Variants in CRACD observed in about 807,000 individuals in gnomAD.
CRACD encodes the protein capping protein-inhibiting regulator of actin dynamics.
A neutral mutation model predicts 106.8 loss-of-function variants in CRACD; 56 were observed. The observed-to-expected ratio is 0.52, with a 90% confidence interval of 0.42 to 0.66. The LOEUF (loss-of-function observed/expected upper bound fraction) is 0.66, where lower values mean the gene tolerates loss of function less well. Ranked by LOEUF, CRACD falls within the 30% of genes least tolerant of loss-of-function variation. CRACD has a pLI of 0.00. For missense variants in CRACD, 1,730 were observed against 1,623.2 expected (o/e 1.07, Z -1.13); for synonymous variants, 754 against 670.8 (o/e 1.12, Z -1.92).
intron 10 of CRACD, among the ~76,000 whole-genome samples, chr4:56,326,049 G>C (rs1746423533): frequency 1.3e-5 from 2 of 152,086 alleles, no homozygotes; most frequent in South Asian, 4.1e-4. Context: ...GTAGCTGGGA[G>C]TACAGGCACA....
At chr4:56,256,261 A>C (rs1003973448) in intron 2 of CRACD, among the ~76,000 whole-genome samples, 2 of 152,170 alleles carry the variant, frequency 1.3e-5, no homozygotes, top group African/African-American at 4.8e-5. Flanking sequence ...TCAAGAGGTC[A>C]GATGGTTTTA....
chr4:56,069,292 A>G (rs1466585897), intron 1 of CRACD, among the ~76,000 whole-genome samples: 4 of 152,238 alleles, frequency 2.6e-5, no homozygotes, highest in African/African-American at 9.6e-5. Context: ...TGGCGTGTCC[A>G]TGTTGAAATG....
intron 1 of CRACD, among the ~76,000 whole-genome samples, chr4:56,075,530 A>G (rs372260255): frequency 5.9e-5 from 9 of 151,934 alleles, no homozygotes; most frequent in South Asian, 2.1e-4. Context: ...GATCAGTGGT[A>G]ATATCCCCTT....
chr4:56,084,941 C>T (rs1475679750), intron 1 of CRACD, among the ~76,000 whole-genome samples: 8 of 152,128 alleles, frequency 5.3e-5, no homozygotes, highest in Non-Finnish European at 1.2e-4. Flanking sequence ...AAAATAGAGG[C>T]ATTTTGACTT....
At chr4:56,212,094 T>C (rs1460018859) in intron 2 of CRACD, among the ~76,000 whole-genome samples, 1 of 152,172 alleles carries the variant, frequency 6.6e-6, no homozygotes, top group Non-Finnish European at 1.5e-5. Context: ...TGAAATGGGA[T>C]GCAGTAAAGA....
intron 1 of CRACD, among the ~76,000 whole-genome samples, chr4:56,084,646 G>A (rs1175975817): frequency 6.6e-6 from 1 of 152,140 alleles, no homozygotes; most frequent in African/African-American, 2.4e-5. Flanking sequence ...AGATGATGGG[G>A]AATGTGTTAT....
chr4:56,284,830 G>T (rs808997), intron 3 of CRACD, among the ~76,000 whole-genome samples: 3,337 of 152,346 alleles, frequency 0.022, 123 homozygotes, highest in African/African-American at 0.075. Context: ...GTAACCGTAA[G>T]GTCAAACAGC....
At chr4:56,093,711 A>G (rs1733502774) in intron 1 of CRACD, among the ~76,000 whole-genome samples, 1 of 152,252 alleles carries the variant, frequency 6.6e-6, no homozygotes, top group Non-Finnish European at 1.5e-5. Flanking sequence ...CTTGTTCTAC[A>G]AAAGTGACAA....
intron 1 of CRACD, among the ~76,000 whole-genome samples, chr4:56,057,321 T>C (rs1171501188): frequency 1.3e-5 from 2 of 152,220 alleles, no homozygotes; most frequent in African/African-American, 4.8e-5. Context: ...ATTTAGTGCA[T>C]GGCAATTGTA....
chr4:56,298,003 G>A, intron 3 of CRACD: 1 of 462,486 alleles, frequency 2.2e-6, no homozygotes, highest in Admixed American at 3.4e-5. Flanking sequence ...CACGGTGAAT[G>A]GCTCTGAACC....
chr4:56,322,197 G>T (rs1358817457), intron 8 of CRACD, among the ~76,000 whole-genome samples: 4 of 152,318 alleles, frequency 2.6e-5, no homozygotes, highest in African/African-American at 7.2e-5. Context: ...CTTTTGTAGA[G>T]TGACCAGGAT....
rs1167413474 is a variant in CRACD, at chr4:56,057,814, G to GTTT, written c.-336+8535_-336+8537dup. ...CATTTTTTGTATTTTTTTTTTTTTTGTTTTTTTTTTTTTTTTTTTTTTGAG... is the reference window on the plus strand; with the variant it reads ...CATTTTTTGTATTTTTTTTTTTTTTGTTTTTTTTTTTTTTTTTTTTTTTTTGAG... On this transcript the variant is annotated intron_variant, in intron 1 of 10. Coordinates refer to ENST00000682029, the MANE Select transcript of CRACD (RefSeq NM_001393381.1). Among the ~76,000 whole-genome samples the GTTT allele has an allele frequency of 1.5e-3, 100 of 67,308 alleles. 1 individual carries two copies. The highest frequency in any genetic ancestry group is 3.3e-3 in the South Asian group (6 of 1,804). 44.2% of individuals were successfully genotyped at this position (67,308 alleles called of 152,430 possible). A position where few individuals can be genotyped will look rare whatever the true frequency, so the allele number is the denominator to read the frequency against.
chr4:56,233,200 A>T (rs1386822494), intron 2 of CRACD, among the ~76,000 whole-genome samples: 2 of 152,204 alleles, frequency 1.3e-5, no homozygotes, highest in Non-Finnish European at 2.9e-5. Context: ...TATAGAATTT[A>T]TCAATATCTT....
At chr4:56,254,238 G>A (rs1741212354) in intron 2 of CRACD, among the ~76,000 whole-genome samples, 1 of 152,184 alleles carries the variant, frequency 6.6e-6, no homozygotes, top group Non-Finnish European at 1.5e-5. Context: ...TCTCCAATGA[G>A]AGCAGAATAA....
intron 1 of CRACD, among the ~76,000 whole-genome samples, chr4:56,117,607 G>A (rs970070904): frequency 6.6e-6 from 1 of 152,086 alleles, no homozygotes; most frequent in African/African-American, 2.4e-5. Context: ...ATGGATGATG[G>A]TGATGGTCAC....
At chr4:56,093,259 A>G (rs952960518) in intron 1 of CRACD, among the ~76,000 whole-genome samples, 6 of 152,160 alleles carry the variant, frequency 3.9e-5, no homozygotes, top group Non-Finnish European at 7.4e-5. Flanking sequence ...CCTGTAATTC[A>G]CAAATGTTAG....
At chr4:56,104,172 G>A (rs1733869388) in intron 1 of CRACD, among the ~76,000 whole-genome samples, 1 of 152,214 alleles carries the variant, frequency 6.6e-6, no homozygotes, top group South Asian at 2.1e-4. Flanking sequence ...CGAGGTGGGA[G>A]CATCGCTTGG....
At chr4:56,280,029 A>C (rs1289616321) in intron 3 of CRACD, among the ~76,000 whole-genome samples, 2 of 151,604 alleles carry the variant, frequency 1.3e-5, no homozygotes, top group Non-Finnish European at 2.9e-5. Context: ...CATTCTCAGC[A>C]AACTATCGCA....
At chr4:56,226,215 A>G (rs1010146152) in intron 2 of CRACD, among the ~76,000 whole-genome samples, 10 of 152,202 alleles carry the variant, frequency 6.6e-5, no homozygotes, top group African/African-American at 2.4e-4. Context: ...ACTATCCCAG[A>G]GGAGGCACGT....
Sources: allele counts gnomAD v4.1 joint callset (sites outside exome capture counted in the v4.1 genomes callset), GRCh38; gene constraint gnomAD v4.1.1; transcripts MANE v1.5; gene names NCBI Gene and HGNC (gene_info 2026-07-23, HGNC 2026-07-21).